AFF4: variants seen among roughly 807,000 people sequenced by gnomAD.
AFF4 encodes AF4/FMR2 family member 4.
AFF4 carries 13 observed loss-of-function variants against 124.8 expected under a neutral mutation model. The observed-to-expected ratio is 0.10, with a 90% CI of 0.07 to 0.17. The LOEUF is 0.17. Among genes scored for constraint, AFF4 ranks in the 10% least tolerant of loss-of-function variants. The pLI is 1.00. For synonymous variants in AFF4, 477 were observed against 496.1 expected, an observed-to-expected ratio of 0.96 and a Z score of 0.51; for missense variants, 1,092 against 1,403.8, an observed-to-expected ratio of 0.78 and a Z score of 3.55.
chr5:132,928,947 T>C (rs973582333), intron 4 of AFF4, among the ~76,000 whole-genome samples: 4 of 152,194 alleles, frequency 2.6e-5, no homozygotes, highest in African/African-American at 9.6e-5. Flanking sequence ...GATTGCTTCC[T>C]ACATCCAGCT....
intron 12 of AFF4, 49 bp from the exon 13 acceptor site, chr5:132,892,453 G>A: frequency 6.5e-7 from 1 of 1,544,946 alleles, no homozygotes; most frequent in Non-Finnish European, 8.7e-7. Context: ...TAATACAGGG[G>A]TAATTGATTT....
chr5:132,926,994 T>C (rs1761187818), intron 5 of AFF4, 127 bp downstream of exon 5: 1 of 695,510 alleles, frequency 1.4e-6, no homozygotes, highest in Non-Finnish European at 2.4e-6. Flanking sequence ...ATTTATCTAT[T>C]TATTCACTTA....
At position 132,896,612 on chromosome 5, in the gene AFF4, C is replaced by T; in HGVS notation, c.2018G>A (p.Arg673Lys). The T allele has an allele frequency of 6.2e-7, 1 of 1,614,024 alleles. No individual in the cohort carries two copies. Among genetic ancestry groups the T allele is most frequent in the Non-Finnish European group, 8.5e-7 (1 of 1,180,022 alleles). The change falls in exon 11 of 21, where the codon AGG becomes AAG. Residue 673 changes from arginine to lysine, a missense_variant. This residue lies in a region of AFF4 where 293 missense variants were observed against 280.2 expected (regional missense o/e 1.05). Transcript: ENST00000265343. Reference protein sequence around the residue: ...SQTPKYPESNRTPVKPSSVEE... With the variant: ...SQTPKYPESNKTPVKPSSVEE... Reference sequence around the variant, plus strand: ...CACTGAGGAGGGTTTAACAGGAGTCCTATTGCTCTCGGGGTACTTAGGAGT... The same window carrying T: ...CACTGAGGAGGGTTTAACAGGAGTCTTATTGCTCTCGGGGTACTTAGGAGT...
intron 4 of AFF4, among the ~76,000 whole-genome samples, chr5:132,931,684 G>A (rs895631726): frequency 1.3e-5 from 2 of 152,192 alleles, no homozygotes; most frequent in Non-Finnish European, 2.9e-5. Flanking sequence ...GGCCAGGCGC[G>A]GTGACTCACA....
At chr5:132,885,031 C>T (rs1288924220) in intron 19 of AFF4, 45 bp downstream of exon 19, 1 of 1,493,476 alleles carries the variant, frequency 6.7e-7, no homozygotes, top group Non-Finnish European at 9.2e-7. Flanking sequence ...ACTCATTTCA[C>T]TTTTATTGCC....
At chr5:132,915,454 A>C (rs1760887563) in intron 5 of AFF4, among the ~76,000 whole-genome samples, 2 of 152,298 alleles carry the variant, frequency 1.3e-5, no homozygotes, top group South Asian at 4.1e-4. Context: ...TCAGATACCA[A>C]AACAAGGCAA....
At chr5:132,927,080 G>C (rs201569254) in intron 5 of AFF4, 41 bp downstream of exon 5, 9 of 1,548,230 alleles carry the variant, frequency 5.8e-6, no homozygotes, top group Non-Finnish European at 8.0e-6. Flanking sequence ...AAGCCATTTA[G>C]AGTTTTCTTA....
At chr5:132,900,711 T>C (rs1760530300) in intron 7 of AFF4, among the ~76,000 whole-genome samples, 1 of 152,236 alleles carries the variant, frequency 6.6e-6, no homozygotes, top group African/African-American at 2.4e-5. Context: ...TAAATTTTCT[T>C]TTAAGGCCAT....
At chr5:132,947,572 G>C (rs2150108348) in intron 1 of AFF4, among the ~76,000 whole-genome samples, 1 of 152,142 alleles carries the variant, frequency 6.6e-6, no homozygotes, top group East Asian at 1.9e-4. Flanking sequence ...AGATTATTGA[G>C]TGATTTAAAC....
chr5:132,879,361 T>C lies in AFF4; in HGVS notation c.*1698A>G, dbSNP rs2150060013. 1 of 210,964 alleles carries C rather than the reference T, an allele frequency of 4.7e-6. No homozygotes were observed. The highest frequency in any genetic ancestry group is 1.9e-4 in the South Asian group (1 of 5,334). The allele number at this position is 210,964 out of a possible 1,614,324, so 13.1% of individuals were successfully genotyped here. On this transcript the variant is annotated 3_prime_UTR_variant, in exon 21 of 21. Transcript: ENST00000265343. ...TAGCAATCATCTACAAATAGTAGGA[T>C]AATCTTTTTTTCTGACTGAATGGAT...
intron 1 of AFF4, among the ~76,000 whole-genome samples, chr5:132,958,248 T>A (rs182232636): frequency 1.8e-4 from 28 of 151,802 alleles, no homozygotes; most frequent in Non-Finnish European, 3.5e-4. Flanking sequence ...GCATAACAAA[T>A]AATTAAAAGA....
intron 3 of AFF4, among the ~76,000 whole-genome samples, chr5:132,932,776 A>G (rs927700933): frequency 6.6e-6 from 1 of 152,228 alleles, no homozygotes; most frequent in East Asian, 1.9e-4. Context: ...CATTTTACAT[A>G]GTCTTTCTAA....
chr5:132,955,987 A>T (rs1415705700), intron 1 of AFF4, among the ~76,000 whole-genome samples: 1 of 149,036 alleles, frequency 6.7e-6, no homozygotes, highest in Non-Finnish European at 1.5e-5. Flanking sequence ...TGTAATATAT[A>T]AATATATAAT....
chr5:132,930,933 TAAA>T (rs775336427), intron 4 of AFF4, among the ~76,000 whole-genome samples: 2 of 78,558 alleles, frequency 2.5e-5, no homozygotes, highest in Non-Finnish European at 2.3e-5. Context: ...CTATCTCTAC[TAAA>T]AAAAAAAAAA....
intron 1 of AFF4, among the ~76,000 whole-genome samples, chr5:132,951,125 T>C (rs772823028): frequency 6.6e-6 from 1 of 151,708 alleles, no homozygotes; most frequent in Non-Finnish European, 1.5e-5. Flanking sequence ...CTCAGGAAGC[T>C]GAAGCAGGAG....
chr5:132,924,909 C>T (rs1761133495), intron 5 of AFF4, among the ~76,000 whole-genome samples: 1 of 151,906 alleles, frequency 6.6e-6, no homozygotes, highest in Admixed American at 6.6e-5. Context: ...GGTGCGTTGG[C>T]TCACACCTGT....
In AFF4 at chr5:132,880,292, T is replaced by A. The variant is rs540259667; in HGVS notation, c.*767A>T. The A allele has an allele frequency of 3.3e-4, 131 of 398,984 alleles. No homozygotes were observed. Among genetic ancestry groups the A allele is most frequent in the Non-Finnish European group, 3.9e-4 (88 of 226,018 alleles). 24.7% of individuals were successfully genotyped at this position (398,984 alleles called of 1,614,324 possible). ...AATGCTTCTTCTAGAAAGTTTGTCC[T>A]CCCTCTTTTGTAATGCATTAAATGC... On this transcript the variant is annotated 3_prime_UTR_variant, in exon 21 of 21. Coordinates refer to ENST00000265343, the MANE Select transcript of AFF4 (RefSeq NM_014423.4).
intron 13 of AFF4, among the ~76,000 whole-genome samples, chr5:132,891,268 A>C (rs1259432200): frequency 6.6e-6 from 1 of 152,126 alleles, no homozygotes; most frequent in Non-Finnish European, 1.5e-5. Flanking sequence ...TAATTTGAGA[A>C]GTTCTTAATT....
At chr5:132,931,562 A>T (rs773573084) in intron 4 of AFF4, among the ~76,000 whole-genome samples, 2 of 152,254 alleles carry the variant, frequency 1.3e-5, no homozygotes, top group African/African-American at 2.4e-5. Flanking sequence ...TTTGCACTTC[A>T]AATTATTAAC....
Sources: gnomAD v4.1 joint callset for allele counts (sites outside exome capture counted in the v4.1 genomes callset) on GRCh38, gnomAD v4.1.1 for gene constraint, gnomAD v4.1.1 regional missense constraint, MANE v1.5 for transcripts, NCBI Gene and HGNC (gene_info 2026-07-23, HGNC 2026-07-21) for gene names.